The following OPHN1 variants were observed in gnomAD, a reference collection of about 807,000 sequenced individuals.
OPHN1 encodes oligophrenin 1.
A neutral mutation model predicts 60.7 loss-of-function variants in OPHN1; 11 were observed. The ratio of observed to expected loss-of-function variants is 0.18; its 90% CI spans 0.11 to 0.30. The LOEUF (loss-of-function observed/expected upper bound fraction) is 0.30, where lower values mean the gene tolerates loss of function less well. Among genes scored for constraint, OPHN1 ranks in the 10% least tolerant of loss-of-function variants. OPHN1 has a pLI of 1.00. For synonymous variants in OPHN1, 226 were observed against 222.6 expected (o/e 1.02, Z -0.14); for missense variants, 449 against 611.0 (o/e 0.73, Z 2.80).
intron 2 of OPHN1, among the ~76,000 whole-genome samples, chrX:68,358,969 T>C (rs990132573): frequency 3.6e-5 from 4 of 111,987 alleles, no homozygotes; most frequent in African/African-American, 1.3e-4. Context: ...AATGTCATCA[T>C]TTTCTATTCT....
chrX:68,113,114 C>G, intron 17 of OPHN1, 67 bp downstream of exon 17: 1 of 971,443 alleles, frequency 1.0e-6, no homozygotes, highest in Admixed American at 2.2e-5. Context: ...AAACAATTTT[C>G]TAGGCTTATT....
intron 2 of OPHN1, among the ~76,000 whole-genome samples, chrX:68,331,209 TATATC>T (rs2078293182): frequency 9.4e-6 from 1 of 106,753 alleles, no homozygotes; most frequent in Non-Finnish European, 1.9e-5. Flanking sequence ...ATATAATAGT[TATATC>T]TTATAATTAT....
chrX:68,245,564 T>A (rs1431043763), intron 5 of OPHN1, among the ~76,000 whole-genome samples: 2 of 111,571 alleles, frequency 1.8e-5, no homozygotes, highest in Non-Finnish European at 3.8e-5. Flanking sequence ...ACAGGGTAGA[T>A]TAAGAACTCC....
intron 10 of OPHN1, 152 bp from the exon 11 acceptor site, chrX:68,201,862 C>T: frequency 4.1e-6 from 2 of 489,452 alleles, no homozygotes; most frequent in Non-Finnish European, 7.2e-6. Flanking sequence ...TCCCTTCAAA[C>T]AGTATTTGCA....
At chrX:68,052,709 T>A in intron 22 of OPHN1, 119 bp from the exon 23 acceptor site, 1 of 649,580 alleles carries the variant, frequency 1.5e-6, no homozygotes, top group Non-Finnish European at 2.5e-6. Flanking sequence ...AGCCCCTGCC[T>A]TTGCTGGCAA....
intron 11 of OPHN1, among the ~76,000 whole-genome samples, chrX:68,200,775 T>C (rs760666015): frequency 1.4e-4 from 16 of 112,017 alleles, no homozygotes; most frequent in African/African-American, 5.2e-4. Flanking sequence ...TCACATGATA[T>C]TGTAATTCAC....
rs891575045 is a variant in OPHN1 at position 68,214,952 on chromosome X, G to A, written c.487-980C>T. Among the ~76,000 whole-genome samples, 5 of 111,655 alleles carry A rather than the reference G, an allele frequency of 4.5e-5. No individual in the cohort carries two copies. In the East Asian group the frequency reaches 8.4e-4, roughly 19 times the overall value. ...GTGAAGACTGCAGTGAGCCGAGATCGTGCCACTGCACTCCAGCCTGGGTGA... is the reference window on the plus strand; with the variant it reads ...GTGAAGACTGCAGTGAGCCGAGATCATGCCACTGCACTCCAGCCTGGGTGA... On this transcript the variant is annotated intron_variant, in intron 6 of 24. Transcript: ENST00000355520.
At chrX:68,349,290 A>C (rs1268235484) in intron 2 of OPHN1, among the ~76,000 whole-genome samples, 1 of 112,164 alleles carries the variant, frequency 8.9e-6, no homozygotes, top group Non-Finnish European at 1.9e-5. Flanking sequence ...TTATGCAGCC[A>C]ACAGACATAT....
At chrX:68,121,721 G>A (rs2077151298) in intron 15 of OPHN1, among the ~76,000 whole-genome samples, 2 of 108,350 alleles carry the variant, frequency 1.8e-5, no homozygotes, top group African/African-American at 6.7e-5. Context: ...GGGAGTCCTT[G>A]CACCACCCCA....
intron 2 of OPHN1, among the ~76,000 whole-genome samples, chrX:68,358,036 A>G (rs934676693): frequency 4.6e-5 from 5 of 109,283 alleles, no homozygotes; most frequent in African/African-American, 1.7e-4. Context: ...CACGCGTATA[A>G]TCCCAGCATT....
chrX:68,433,141 GC>G (rs1248070767), intron 1 of OPHN1, 26 bp downstream of exon 1: 8 of 729,379 alleles, frequency 1.1e-5, no homozygotes, highest in Middle Eastern at 4.8e-4. Context: ...GAAGCTCATA[GC>G]CTCCGTCCCT....
In OPHN1 at chrX:68,346,226, T is replaced by C. The variant is rs746666878; in HGVS notation, c.155-47130A>G. Among the ~76,000 whole-genome samples the C allele has an allele frequency of 5.7e-4, 64 of 111,915 alleles. 1 individual carries two copies. Among genetic ancestry groups the C allele is most frequent in the African/African-American group, 2.0e-3 (61 of 30,901 alleles). ...TGTATGGTCTTGAATACACATACTGTTATATTTGGAGGCATCTCAGATTAA... is the reference window on the plus strand; with the variant it reads ...TGTATGGTCTTGAATACACATACTGCTATATTTGGAGGCATCTCAGATTAA... On this transcript the variant is annotated intron_variant, in intron 2 of 24. Coordinates refer to ENST00000355520, the MANE Select transcript of OPHN1 (RefSeq NM_002547.3).
intron 2 of OPHN1, among the ~76,000 whole-genome samples, chrX:68,299,871 C>A (rs2078112000): frequency 9.1e-6 from 1 of 110,389 alleles, no homozygotes; most frequent in South Asian, 4.0e-4. Context: ...ATGCCCCCAC[C>A]AAGAGGTCCA....
At chrX:68,075,779 C>CAAAAAAAAAAAAAAAAAAAAAAAA (rs35536405) in intron 19 of OPHN1, among the ~76,000 whole-genome samples, 1 of 39,862 alleles carries the variant, frequency 2.5e-5, no homozygotes, top group South Asian at 2.2e-3. Flanking sequence ...TATACATAGG[C>CAAAAAAAAAAAAAAAAAAAAAAAA]AAAAAAAAAA....
chrX:68,174,716 C>T (rs1444761905), intron 15 of OPHN1, among the ~76,000 whole-genome samples: 1 of 110,060 alleles, frequency 9.1e-6, no homozygotes, highest in Admixed American at 9.8e-5. Flanking sequence ...AAGCAATCCA[C>T]CCACCTCAGC....
At chrX:68,313,780 A>G (rs1226267403) in intron 2 of OPHN1, among the ~76,000 whole-genome samples, 1 of 111,897 alleles carries the variant, frequency 8.9e-6, no homozygotes, top group Admixed American at 9.5e-5. Flanking sequence ...CTAGTACTGA[A>G]TAGCACAACA....
chrX:68,412,132 T>A (rs1197118504), intron 2 of OPHN1, among the ~76,000 whole-genome samples: 2 of 111,187 alleles, frequency 1.8e-5, no homozygotes, highest in Admixed American at 1.9e-4. Flanking sequence ...AGACTCTCAG[T>A]TAATCTTTCC....
At chrX:68,390,599 A>G (rs1340245736) in intron 2 of OPHN1, among the ~76,000 whole-genome samples, 1 of 111,679 alleles carries the variant, frequency 9.0e-6, no homozygotes, top group African/African-American at 3.3e-5. Flanking sequence ...ACTGTCTCAA[A>G]AAGAAAAGTT....
At chrX:68,355,446 G>A (rs1412765077) in intron 2 of OPHN1, among the ~76,000 whole-genome samples, 1 of 111,919 alleles carries the variant, frequency 8.9e-6, no homozygotes, top group Admixed American at 9.5e-5. Context: ...TCTCTCTCCA[G>A]TTCATATGCT....
Sources: allele counts gnomAD v4.1 joint callset (sites outside exome capture counted in the v4.1 genomes callset), GRCh38; gene constraint gnomAD v4.1.1; transcripts MANE v1.5; gene names NCBI Gene and HGNC (gene_info 2026-07-23, HGNC 2026-07-21).